TRMT5: variants seen among roughly 807,000 people sequenced by gnomAD.
The protein encoded by TRMT5 is tRNA methyltransferase 5.
A neutral mutation model predicts 42.2 loss-of-function variants in TRMT5; 31 were observed. The ratio of observed to expected loss-of-function variants is 0.73; its 90% CI spans 0.55 to 0.99. The LOEUF (loss-of-function observed/expected upper bound fraction) is 0.99. Among genes scored for constraint, TRMT5 ranks in the 50% least tolerant of loss-of-function variants. TRMT5 has a pLI of 0.00. For missense variants in TRMT5, 568 were observed against 595.0 expected, an observed-to-expected ratio of 0.95 and a Z score of 0.47; for synonymous variants, 198 against 209.6, an observed-to-expected ratio of 0.94 and a Z score of 0.48.
rs150018663 is a variant in TRMT5, at chr14:60,975,625, G to A, written c.1294C>T (p.Arg432Trp). 2.0e-5 allele frequency: 33 copies of A among 1,614,060 alleles called. No individual in the cohort carries two copies. The highest frequency in any genetic ancestry group is 1.5e-4 in the Admixed American group (9 of 60,002). ...CCTAACACAGCTCCAGCCCTTTGCCGAACATCCTCAGCAGGGTTAGCATCT... is the reference window on the plus strand; with the variant it reads ...CCTAACACAGCTCCAGCCCTTTGCCAAACATCCTCAGCAGGGTTAGCATCT... ...SKDANPAEDV[R>W]QRAGAVLGIS... is the part of the protein sequence containing the mutation. Residue 432 changes from arginine to tryptophan, a missense_variant, in exon 4 of 5, where the codon CGG becomes TGG. By Grantham distance (101) the Arg-to-Trp change is moderately radical (BLOSUM62 -3). Transcript: ENST00000261249.
intron 2 of TRMT5, among the ~76,000 whole-genome samples, chr14:60,978,299 A>T (rs930207851): frequency 2.0e-5 from 3 of 152,234 alleles, no homozygotes; most frequent in Non-Finnish European, 4.4e-5. Context: ...ATCTCATTGC[A>T]TAACTTGATT....
At chr14:60,977,747 C>T in intron 2 of TRMT5, 109 bp from the exon 3 acceptor site, 3 of 1,070,670 alleles carry the variant, frequency 2.8e-6, no homozygotes, top group Non-Finnish European at 3.9e-6. Flanking sequence ...TTGATAAAGA[C>T]TGCACCTACT....
In TRMT5 at chr14:60,979,555, T is replaced by A; in HGVS notation, c.343A>T (p.Arg115Trp). The A allele has an allele frequency of 2.5e-6, 4 of 1,614,100 alleles. No individual in the cohort carries two copies. Among genetic ancestry groups the A allele is most frequent in the Non-Finnish European group, 3.4e-6 (4 of 1,179,964 alleles). ...ATGCCTGGGCGCTGCAATGCTGCCC[T>A]TTTTAGGGATCGCATCAATTTACTG... ...IVSKLMRSLK[R>W]AALQRPGIRR... is the part of the protein sequence containing the mutation. Residue 115 changes from arginine (R) to tryptophan (W), a missense_variant, in exon 2 of 5, where the codon AGG (arginine) becomes TGG (tryptophan). Transcript: ENST00000261249.
rs774961109 is a variant in TRMT5, at chr14:60,979,226, C to T, written c.667+5G>A. ...AATACATGAATATTACTATGACACA[C>T]GTACCAATTAAATGTTTGAAAGGCA... On this transcript the variant is annotated splice_donor_5th_base_variant and intron_variant, in intron 2 of 4. Transcript: ENST00000261249. 6.3e-6 allele frequency: 10 copies of T among 1,592,168 alleles called. No homozygotes were observed. The highest frequency in any genetic ancestry group is 4.6e-5 in the South Asian group (4 of 86,786).
Position 60,975,629 on chromosome 14 carries a change from A to C in TRMT5, c.1290T>G (p.Asp430Glu). 1 of 1,614,190 alleles carries C rather than the reference A, an allele frequency of 6.2e-7. No individual in the cohort carries two copies. Among genetic ancestry groups the C allele is most frequent in the Non-Finnish European group, 8.5e-7 (1 of 1,180,036 alleles). ...SFSKDANPAE[D>E]VRQRAGAVLG... The stretch of plus-strand genomic sequence containing the variant: ...ACACAGCTCCAGCCCTTTGCCGAAC[A>C]TCCTCAGCAGGGTTAGCATCTTTGG... The change falls in exon 4 of 5, where the codon GAT (aspartate) becomes GAG (glutamate). Residue 430 changes from aspartate to glutamate, a missense_variant. By Grantham distance (45) the Asp-to-Glu change is conservative. Coordinates refer to ENST00000261249, the MANE Select transcript of TRMT5 (RefSeq NM_020810.3).
chr14:60,979,470 T>C lies in TRMT5; in HGVS notation c.428A>G (p.Tyr143Cys), dbSNP rs762813342. The change falls in exon 2 of 5, where the codon TAT (tyrosine) becomes TGT (cysteine). Residue 143 changes from tyrosine to cysteine, a missense_variant. Physicochemically the swap from Tyr to Cys is radical, Grantham distance 194 (BLOSUM62 -2). Transcript: ENST00000261249. ...AAAGGAATCATGAGTAAATATTTTA[T>C]AGGGATCCAACATGATTAGTCTACT... The part of the protein sequence containing the change: ...KESRLIMLDP[Y>C]KIFTHDSFEK... 2.5e-6 allele frequency: 4 copies of C among 1,614,206 alleles called. No individual in the cohort carries two copies. Among genetic ancestry groups the C allele is most frequent in the South Asian group, 2.2e-5 (2 of 91,084 alleles).
chr14:60,978,738 C>T (rs936728064), intron 2 of TRMT5, among the ~76,000 whole-genome samples: 1 of 152,170 alleles, frequency 6.6e-6, no homozygotes, highest in Non-Finnish European at 1.5e-5. Flanking sequence ...TATGTTACCA[C>T]TATCCATTAT....
chr14:60,981,580 A>G (rs551426468), upstream of TRMT5: 1 of 1,518,276 alleles, frequency 6.6e-7, no homozygotes, highest in South Asian at 1.2e-5. Context: ...GCAGCCTAGC[A>G]TACTCTAGAA....
Position 60,976,024 on chromosome 14 carries a change from C to T in TRMT5, c.895G>A (p.Gly299Arg). ...HSRITELLKP[G>R]DVLFDVFAGV... ...GCAAAAACATCAAATAGGACATCCC[C>T]AGGTTTGAGAAGTTCTGTGATACGG... The change falls in exon 4 of 5, where the codon GGG becomes AGG. Residue 299 changes from glycine (G) to arginine (R), a missense_variant. Physicochemically the swap from Gly to Arg is moderately radical, Grantham distance 125 (BLOSUM62 -2). Transcript: ENST00000261249. 5 of 1,614,206 alleles carry T rather than the reference C, an allele frequency of 3.1e-6. No individual in the cohort carries two copies. Among genetic ancestry groups the T allele is most frequent in the Non-Finnish European group, 4.2e-6 (5 of 1,180,032 alleles).
In TRMT5 at chr14:60,979,785, A is replaced by G; in HGVS notation, c.113T>C (p.Leu38Pro). The change falls in exon 2 of 5, where the codon CTG becomes CCG. Residue 38 changes from leucine (L) to proline (P), a missense_variant. By Grantham distance (98) the Leu-to-Pro change is moderately conservative. Coordinates refer to ENST00000261249, the MANE Select transcript of TRMT5 (RefSeq NM_020810.3). The part of the protein sequence containing the change: ...KSLIPVAWTS[L>P]TQMLLEAPGI... Reference sequence around the variant, plus strand: ...AGGTGCTTCCAAAAGCATCTGTGTCAGGGATGTCCAAGCTACTGGAATCAA... The same window carrying G: ...AGGTGCTTCCAAAAGCATCTGTGTCGGGGATGTCCAAGCTACTGGAATCAA... The G allele has an allele frequency of 1.9e-6, 3 of 1,614,028 alleles. No homozygotes were observed. The highest frequency in any genetic ancestry group is 2.2e-5 in the East Asian group (1 of 44,866).
rs936503645 is a variant in TRMT5 at position 60,977,729 on chromosome 14, T to G, written c.668-91A>C. 8 of 1,333,350 alleles carry G rather than the reference T, an allele frequency of 6.0e-6. No individual in the cohort carries two copies. The African/African-American group carries it at 1.2e-4, about 20-fold the overall frequency. 82.6% of individuals were successfully genotyped at this position (1,333,350 alleles called of 1,614,324 possible). A position where few individuals can be genotyped will look rare whatever the true frequency, so the allele number is the denominator to read the frequency against. ...ATATGAAACAGAAATGAGTTGTATTTCTTTTGGTTGATAAAGACTGCACCT... is the reference window on the plus strand; with the variant it reads ...ATATGAAACAGAAATGAGTTGTATTGCTTTTGGTTGATAAAGACTGCACCT... On this transcript the variant is annotated intron_variant, in intron 2 of 4. Coordinates refer to ENST00000261249, the MANE Select transcript of TRMT5 (RefSeq NM_020810.3).
Position 60,977,563 on chromosome 14 carries a change from C to T in TRMT5, c.743G>A (p.Arg248Gln), listed in dbSNP as rs561427337. 12 of 1,611,010 alleles carry T rather than the reference C, an allele frequency of 7.4e-6. No individual in the cohort carries two copies. The highest frequency in any genetic ancestry group is 3.3e-5 in the South Asian group (3 of 90,604). Reference sequence around the variant, plus strand: ...AGATAGCACTTCCATTTGGAAATTTCGGTACATATTGTCAATATTATTTAT... The same window carrying T: ...AGATAGCACTTCCATTTGGAAATTTTGGTACATATTGTCAATATTATTTAT... ...NKINNIDNMY[R>Q]NFQMEVLSGE... The change falls in exon 3 of 5, where the codon CGA (arginine) becomes CAA (glutamine). Residue 248 changes from arginine to glutamine, a missense_variant. Arg to Gln is a conservative substitution (Grantham distance 43). Transcript: ENST00000261249.
chr14:60,976,425 A>G (rs1297584497), intron 3 of TRMT5, among the ~76,000 whole-genome samples: 1 of 152,198 alleles, frequency 6.6e-6, no homozygotes, highest in Non-Finnish European at 1.5e-5. Flanking sequence ...TTACCATATC[A>G]CATGAGGAAT....
rs751572477 is a variant in TRMT5 at position 60,975,676 on chromosome 14, T to C, written c.1243A>G (p.Ile415Val). ...TTGGAAAAGCTATAACAATGCACTATGGGAAGGAACTCACTGCTGCATGGC... is the reference window on the plus strand; with the variant it reads ...TTGGAAAAGCTATAACAATGCACTACGGGAAGGAACTCACTGCTGCATGGC... ...GQPCSSEFLP[I>V]VHCYSFSKDA... The change falls in exon 4 of 5, where the codon ATA becomes GTA. Residue 415 changes from isoleucine (I) to valine (V), a missense_variant. Transcript: ENST00000261249. 26 of 1,614,178 alleles carry C rather than the reference T, an allele frequency of 1.6e-5. No individual in the cohort carries two copies. The highest frequency in any genetic ancestry group is 5.0e-5 in the Admixed American group (3 of 60,024).
At position 60,979,667 on chromosome 14, in the gene TRMT5, A is replaced by G. The variant is rs114724212; in HGVS notation, c.231T>C (p.Ser77=). ...CAAGTTTTGTCATGCCTCGGACATC[A>G]GAAGGTGGTGAAAACAATTCAGTCT... is the stretch of plus-strand genomic sequence containing the variant. The part of the protein sequence containing the change: ...ERETELFSPP[S]DVRGMTKLDR... Residue 77 remains serine, a synonymous_variant, in exon 2 of 5, where the codon TCT becomes TCC. Transcript: ENST00000261249. 3.4e-4 allele frequency: 541 copies of G among 1,614,134 alleles called. 2 individuals are homozygous for G. The African/African-American group carries it at 6.1e-3, about 18-fold the overall frequency.
In TRMT5 at chr14:60,975,915, C is replaced by T. The variant is rs2036840411; in HGVS notation, c.1004G>A (p.Trp335Ter). 1 of 1,614,134 alleles carries T rather than the reference C, an allele frequency of 6.2e-7. No individual in the cohort carries two copies. Among genetic ancestry groups the T allele is most frequent in the Admixed American group, 1.7e-5 (1 of 60,014 alleles). ...ANDLNPESHK[W>*]LLYNCKLNKV... Reference sequence around the variant, plus strand: ...ATTTAATTTACAGTTGTACAACAGCCATTTATGAGATTCAGGATTGAGATC... The same window carrying T: ...ATTTAATTTACAGTTGTACAACAGCTATTTATGAGATTCAGGATTGAGATC... The change falls in exon 4 of 5, where the codon TGG (tryptophan) becomes TAG (stop). Residue 335 changes from tryptophan (W) to a stop codon, truncating the protein, a stop_gained. Coordinates refer to ENST00000261249, the MANE Select transcript of TRMT5 (RefSeq NM_020810.3). LOFTEE classifies it high-confidence loss of function.
chr14:60,979,676 T>C lies in TRMT5; in HGVS notation c.222A>G (p.Ser74=), dbSNP rs372936436. The change falls in exon 2 of 5, where the codon TCA becomes TCG. Residue 74 remains serine (S), a synonymous_variant. Transcript: ENST00000261249. ...TCATGCCTCGGACATCAGAAGGTGG[T>C]GAAAACAATTCAGTCTCTCTCTCAT... ...ETHERETELF[S]PPSDVRGMTK... The C allele has an allele frequency of 4.7e-4, 753 of 1,614,188 alleles. 12 individuals carry two copies. In the South Asian group the frequency reaches 7.5e-3, roughly 16 times the overall value.
At chr14:60,976,879 TAC>T (rs1230474763) in intron 3 of TRMT5, among the ~76,000 whole-genome samples, 1 of 152,172 alleles carries the variant, frequency 6.6e-6, no homozygotes, top group Non-Finnish European at 1.5e-5. Context: ...AAACTTAAGT[TAC>T]AGTCATGAAG....
upstream of TRMT5, chr14:60,981,508 G>A (rs1325384180): frequency 1.3e-6 from 2 of 1,534,782 alleles, no homozygotes; most frequent in African/African-American, 2.7e-5. Flanking sequence ...GAACCCTGGG[G>A]GATGGGGTCT....
Sources: allele counts gnomAD v4.1 joint callset (sites outside exome capture counted in the v4.1 genomes callset), GRCh38; gene constraint gnomAD v4.1.1; transcripts MANE v1.5; gene names NCBI Gene and HGNC (gene_info 2026-07-23, HGNC 2026-07-21).